The following CAMK4 variants were observed in gnomAD, a reference collection of about 807,000 sequenced individuals.
The protein encoded by CAMK4 is calcium/calmodulin dependent protein kinase IV.
CAMK4 carries 22 observed loss-of-function variants against 44.9 expected under a neutral mutation model. The observed-to-expected ratio is 0.49, with a 90% confidence interval of 0.35 to 0.70. The LOEUF (loss-of-function observed/expected upper bound fraction) is 0.70. Among genes scored for constraint, CAMK4 ranks in the 30% least tolerant of loss-of-function variants. The pLI, the probability that CAMK4 is intolerant of heterozygous loss-of-function variation, is 0.01. For synonymous variants in CAMK4, 218 were observed against 215.4 expected, an observed-to-expected ratio of 1.01 and a Z score of -0.11; for missense variants, 498 against 586.8, an observed-to-expected ratio of 0.85 and a Z score of 1.56.
At chr5:111,413,743 T>C (rs940407976) in intron 5 of CAMK4, among the ~76,000 whole-genome samples, 20 of 152,220 alleles carry the variant, frequency 1.3e-4, no homozygotes, top group African/African-American at 4.6e-4. Flanking sequence ...GGTTTCATTC[T>C]TGATGTAGGA....
intron 5 of CAMK4, among the ~76,000 whole-genome samples, chr5:111,419,038 A>G (rs1399650897): frequency 6.6e-6 from 1 of 152,068 alleles, no homozygotes; most frequent in Non-Finnish European, 1.5e-5. Flanking sequence ...ACAATGGTTG[A>G]ACTAGTTTAC....
intron 1 of CAMK4, among the ~76,000 whole-genome samples, chr5:111,238,418 G>T (rs985426861): frequency 1.3e-5 from 2 of 152,112 alleles, no homozygotes; most frequent in Non-Finnish European, 1.5e-5. Context: ...TTGCTCGCTC[G>T]CTGTCTCTCA....
chr5:111,455,421 A>G (rs1275031815), intron 7 of CAMK4, among the ~76,000 whole-genome samples: 2 of 152,208 alleles, frequency 1.3e-5, no homozygotes, highest in African/African-American at 4.8e-5. Context: ...TGGAGGTGGT[A>G]TAATAAAGAG....
intron 5 of CAMK4, among the ~76,000 whole-genome samples, chr5:111,432,543 C>A (rs1043323097): frequency 6.6e-6 from 1 of 151,002 alleles, no homozygotes; most frequent in Non-Finnish European, 1.5e-5. Flanking sequence ...GGGATAGATA[C>A]CCCCATTCTC....
chr5:111,485,715 A>T lies in CAMK4; in HGVS notation c.*1249A>T, dbSNP rs1348404956. Reference sequence around the variant, plus strand: ...TATTTACCTTAAAAAACAAACAAAAACAAAAATAAAGAAAAATACTGATTT... The same window carrying T: ...TATTTACCTTAAAAAACAAACAAAATCAAAAATAAAGAAAAATACTGATTT... On this transcript the variant is annotated 3_prime_UTR_variant, in exon 11 of 11. Coordinates refer to ENST00000282356, the MANE Select transcript of CAMK4 (RefSeq NM_001744.6). 1 of 152,178 alleles carries T rather than the reference A, an allele frequency of 6.6e-6. No homozygotes were observed. The highest frequency in any genetic ancestry group is 1.5e-5 in the Non-Finnish European group (1 of 68,008). The allele number at this position is 152,178 out of a possible 1,614,324, so 9.4% of individuals were successfully genotyped here.
intron 1 of CAMK4, among the ~76,000 whole-genome samples, chr5:111,312,329 C>G (rs1279437584): frequency 6.6e-6 from 1 of 152,114 alleles, no homozygotes; most frequent in Non-Finnish European, 1.5e-5. Context: ...CCAAATTTAC[C>G]TCTTATTAAT....
chr5:111,345,324 G>A (rs1749821398), intron 2 of CAMK4, among the ~76,000 whole-genome samples: 1 of 151,844 alleles, frequency 6.6e-6, no homozygotes, highest in South Asian at 2.1e-4. Flanking sequence ...TTTGGTGTAG[G>A]CAATGATTTA....
chr5:111,317,725 A>G (rs1056077648), intron 1 of CAMK4, among the ~76,000 whole-genome samples: 1 of 152,016 alleles, frequency 6.6e-6, no homozygotes, highest in Non-Finnish European at 1.5e-5. Flanking sequence ...TGTGTCCTGT[A>G]CAGCCCCACA....
At chr5:111,451,980 C>T (rs7728731) in intron 7 of CAMK4, among the ~76,000 whole-genome samples, 2,031 of 152,340 alleles carry the variant, frequency 0.013, 37 homozygotes, top group African/African-American at 0.047. Flanking sequence ...GCCTCCTGTG[C>T]ATTCTCTTGT....
Position 111,489,123 on chromosome 5 carries a change from A to G in CAMK4, c.*4657A>G, listed in dbSNP as rs1755728478. The G allele has an allele frequency of 6.6e-6, 1 of 152,206 alleles. No individual in the cohort carries two copies. The highest frequency in any genetic ancestry group is 1.5e-5 in the Non-Finnish European group (1 of 68,030). 9.4% of individuals were successfully genotyped at this position (152,206 alleles called of 1,614,324 possible). A position where few individuals can be genotyped will look rare whatever the true frequency, so the allele number is the denominator to read the frequency against. On this transcript the variant is annotated 3_prime_UTR_variant, in exon 11 of 11. Coordinates refer to ENST00000282356, the MANE Select transcript of CAMK4 (RefSeq NM_001744.6). ...AAAATTGTGTACATGTTATTTCACTATTGGTATTACAATATTCATAACCAC... is the reference window on the plus strand; with the variant it reads ...AAAATTGTGTACATGTTATTTCACTGTTGGTATTACAATATTCATAACCAC...
intron 2 of CAMK4, chr5:111,364,896 A>G (rs1750733588): frequency 6.6e-6 from 1 of 152,146 alleles, no homozygotes; most frequent in Non-Finnish European, 1.5e-5. Context: ...TAAATGTAAT[A>G]TGGAGTATTG....
intron 7 of CAMK4, among the ~76,000 whole-genome samples, chr5:111,468,436 C>T (rs1340116669): frequency 6.6e-6 from 1 of 152,120 alleles, no homozygotes; most frequent in Non-Finnish European, 1.5e-5. Context: ...GTGCTTATAC[C>T]ATTAAAAGAT....
chr5:111,347,888 A>G (rs1749933873), intron 2 of CAMK4, among the ~76,000 whole-genome samples: 1 of 152,070 alleles, frequency 6.6e-6, no homozygotes, highest in African/African-American at 2.4e-5. Flanking sequence ...ATGAATTTCA[A>G]AATATTCCAT....
chr5:111,308,122 G>A (rs1298467973), intron 1 of CAMK4, among the ~76,000 whole-genome samples: 1 of 119,830 alleles, frequency 8.3e-6, no homozygotes, highest in Non-Finnish European at 1.7e-5. Context: ...AGGGGGGAGG[G>A]ATAGCATTGG....
intron 9 of CAMK4, among the ~76,000 whole-genome samples, chr5:111,480,115 T>C (rs1755381014): frequency 6.6e-6 from 1 of 152,056 alleles, no homozygotes; most frequent in African/African-American, 2.4e-5. Flanking sequence ...TCTCTCCCCT[T>C]TGATCACTTT....
intron 5 of CAMK4, among the ~76,000 whole-genome samples, chr5:111,406,187 A>G (rs1451343503): frequency 4.2e-5 from 4 of 95,454 alleles, no homozygotes; most frequent in Admixed American, 2.2e-4. Flanking sequence ...CCTTCTCCTA[A>G]TTTATTTTCT....
intron 1 of CAMK4, among the ~76,000 whole-genome samples, chr5:111,284,669 A>C (rs1751170997): frequency 6.6e-6 from 1 of 152,220 alleles, no homozygotes; most frequent in East Asian, 1.9e-4. Flanking sequence ...GGCCCGTAAT[A>C]GGCAAAAGAG....
At chr5:111,329,063 C>A (rs545935226) in intron 1 of CAMK4, among the ~76,000 whole-genome samples, 21 of 152,042 alleles carry the variant, frequency 1.4e-4, no homozygotes, top group African/African-American at 5.1e-4. Context: ...GGTTGCAAGG[C>A]TGGTTCAACA....
chr5:111,373,176 G>T (rs1751076804), intron 2 of CAMK4, among the ~76,000 whole-genome samples: 2 of 152,218 alleles, frequency 1.3e-5, no homozygotes, highest in Non-Finnish European at 2.9e-5. Context: ...CCTCTTGATT[G>T]CCTGTATGAA....
Sources: allele counts gnomAD v4.1 joint callset (sites outside exome capture counted in the v4.1 genomes callset), GRCh38; gene constraint gnomAD v4.1.1; transcripts MANE v1.5; gene names NCBI Gene and HGNC (gene_info 2026-07-23, HGNC 2026-07-21).